The following GTF3C1 variants were observed in gnomAD, a reference collection of about 807,000 sequenced individuals.
GTF3C1 encodes general transcription factor 3C polypeptide 1.
In GTF3C1, 57 loss-of-function variants were observed where a neutral mutation model predicts 226.7. The observed-to-expected ratio is 0.25, with a 90% CI of 0.20 to 0.31. GTF3C1 has a LOEUF of 0.31. Ranked by LOEUF, GTF3C1 falls within the 10% of genes least tolerant of loss-of-function variation. The pLI, the probability that GTF3C1 is intolerant of heterozygous loss-of-function variation, is 1.00. For synonymous variants in GTF3C1, 1,090 were observed against 1,084.8 expected, an observed-to-expected ratio of 1.00 and a Z score of -0.09; for missense variants, 2,217 against 2,776.1, an observed-to-expected ratio of 0.80 and a Z score of 4.53.
Position 27,469,440 on chromosome 16 carries a change from T to C in GTF3C1, c.4925A>G (p.His1642Arg). 6.2e-7 allele frequency: 1 copy of C among 1,614,196 alleles called. No individual in the cohort carries two copies. Among genetic ancestry groups the C allele is most frequent in the Non-Finnish European group, 8.5e-7 (1 of 1,180,016 alleles). ...SMEVKPAQAS[H>R]TNYLLMRGYY... Reference sequence around the variant, plus strand: ...GCCCCTCATCAGCAGGTAGTTGGTGTGGGAGGCTTGCGCAGGTTTCACCTC... The same window carrying C: ...GCCCCTCATCAGCAGGTAGTTGGTGCGGGAGGCTTGCGCAGGTTTCACCTC... Residue 1642 changes from histidine to arginine, a missense_variant, in exon 32 of 37, where the codon CAC becomes CGC. His to Arg is a conservative substitution (Grantham distance 29). Transcript: ENST00000356183. This position sits in a 1 kb window ranked among gnomAD's most constrained non-coding sequence, Gnocchi z 4.5.
chr16:27,531,466 C>A (rs1212107044), intron 5 of GTF3C1, among the ~76,000 whole-genome samples: 1 of 152,210 alleles, frequency 6.6e-6, no homozygotes, highest in Non-Finnish European at 1.5e-5. Context: ...AAGAAAGCAC[C>A]CCTTTCCCTC....
At chr16:27,505,561 A>G (rs943671463) in intron 10 of GTF3C1, among the ~76,000 whole-genome samples, 4 of 152,244 alleles carry the variant, frequency 2.6e-5, no homozygotes, top group African/African-American at 7.2e-5. Flanking sequence ...GTGGCATCCA[A>G]TGAACAGAAA....
intron 6 of GTF3C1, 28 bp downstream of exon 6, chr16:27,528,570 G>C: frequency 6.3e-7 from 1 of 1,587,352 alleles, no homozygotes; most frequent in South Asian, 1.1e-5. Flanking sequence ...AGCCAGCCAA[G>C]GGAACAGAAG....
intron 12 of GTF3C1, among the ~76,000 whole-genome samples, chr16:27,498,995 C>T (rs1177205128): frequency 6.6e-6 from 1 of 152,142 alleles, no homozygotes; most frequent in African/African-American, 2.4e-5. Flanking sequence ...CTGGCCTGGA[C>T]ACAGAGCTGT....
intron 15 of GTF3C1, 39 bp from the exon 16 acceptor site, chr16:27,494,947 T>C: frequency 5.7e-6 from 9 of 1,591,294 alleles, no homozygotes; most frequent in Non-Finnish European, 6.9e-6. Flanking sequence ...GCAGCCAGGA[T>C]ACCAGTCACC....
intron 15 of GTF3C1, 131 bp downstream of exon 15, chr16:27,495,080 G>A (rs1020326276): frequency 5.1e-5 from 44 of 860,136 alleles, no homozygotes; most frequent in Non-Finnish European, 4.4e-5. Flanking sequence ...TTCAGGAAGT[G>A]TGGATTATGT....
chr16:27,490,417 G>A (rs749821394), intron 19 of GTF3C1, among the ~76,000 whole-genome samples: 1 of 152,166 alleles, frequency 6.6e-6, no homozygotes, highest in African/African-American at 2.4e-5. Context: ...TGGAGACCTC[G>A]GCTTGATGGC....
At chr16:27,505,404 T>G (rs2088468912) in intron 10 of GTF3C1, among the ~76,000 whole-genome samples, 1 of 152,196 alleles carries the variant, frequency 6.6e-6, no homozygotes, top group Admixed American at 6.5e-5. Flanking sequence ...CACTGTCCTG[T>G]GTATTGTAGG....
chr16:27,484,939 C>A (rs965616028), intron 24 of GTF3C1, among the ~76,000 whole-genome samples: 1 of 152,242 alleles, frequency 6.6e-6, no homozygotes, highest in Non-Finnish European at 1.5e-5. Context: ...TCCATCAACA[C>A]TGACCTATGC....
Position 27,484,249 on chromosome 16 carries a change from G to T in GTF3C1, c.3963C>A (p.Arg1321=). Residue 1321 remains arginine, a synonymous_variant, in exon 25 of 37, where the codon CGC becomes CGA. Coordinates refer to ENST00000356183, the MANE Select transcript of GTF3C1 (RefSeq NM_001520.4). ...KTSHSVGRRA[R]YIVKNPQAYL... is the part of the protein sequence containing the mutation. ...AGGCCTGTGGGTTTTTGACTATGTA[G>T]CGAGCTCTTCGTCCAACGGAATGAG... The T allele has an allele frequency of 1.2e-6, 2 of 1,608,936 alleles. No homozygotes were observed. The highest frequency in any genetic ancestry group is 1.7e-6 in the Non-Finnish European group (2 of 1,175,312).
At chr16:27,501,001 C>T (rs2088396648) in intron 12 of GTF3C1, among the ~76,000 whole-genome samples, 190 bp downstream of exon 12, 1 of 152,224 alleles carries the variant, frequency 6.6e-6, no homozygotes, top group Non-Finnish European at 1.5e-5. Context: ...ACATGCTTTA[C>T]AATCCTAGCA....
rs1161841644 is a variant in GTF3C1, at chr16:27,462,650, C to T, written c.5925-164G>A. 1.2e-5 allele frequency: 7 copies of T among 608,306 alleles called. No homozygotes were observed. The highest frequency in any genetic ancestry group is 2.0e-5 in the Non-Finnish European group (7 of 342,836). The allele number at this position is 608,306 out of a possible 1,614,324, so 37.7% of individuals were successfully genotyped here. On this transcript the variant is annotated intron_variant, in intron 35 of 36. Transcript: ENST00000356183. This position sits in a 1 kb window ranked among gnomAD's most constrained non-coding sequence, Gnocchi z 4.5. ...TCCAAACTCCCTGCTTCTCTCCTGTCTGGACAGAGGGGCCCTTGACCGCCA... is the reference window on the plus strand; with the variant it reads ...TCCAAACTCCCTGCTTCTCTCCTGTTTGGACAGAGGGGCCCTTGACCGCCA...
At position 27,470,575 on chromosome 16, in the gene GTF3C1, G is replaced by A; in HGVS notation, c.4527-180C>T. 1.7e-6 allele frequency: 1 copy of A among 601,818 alleles called. No homozygotes were observed. The highest frequency in any genetic ancestry group is 2.9e-6 in the Non-Finnish European group (1 of 339,986). 37.3% of individuals were successfully genotyped at this position (601,818 alleles called of 1,614,324 possible). On this transcript the variant is annotated intron_variant, in intron 30 of 36. Transcript: ENST00000356183. The surrounding 1 kb of genome is among the most constrained non-coding windows in gnomAD (Gnocchi z 4.9). ...GCTGCATTCCCACCTAGCGGTGTTT[G>A]TGTCTCTCTTCCCCGCTTGCCTGAG...
chr16:27,482,661 G>C, intron 26 of GTF3C1: 3 of 459,132 alleles, frequency 6.5e-6, no homozygotes, highest in East Asian at 1.4e-4. Flanking sequence ...TGGGTCAGCA[G>C]ACAGCTTCCC....
intron 24 of GTF3C1, among the ~76,000 whole-genome samples, chr16:27,485,330 T>A (rs1392762937): frequency 5.9e-5 from 9 of 152,186 alleles, no homozygotes; most frequent in Non-Finnish European, 1.3e-4. Context: ...CTGGCAGAGC[T>A]TTTTCCTGGA....
chr16:27,518,766 A>G (rs928682902), intron 6 of GTF3C1, among the ~76,000 whole-genome samples: 2 of 152,226 alleles, frequency 1.3e-5, no homozygotes, highest in Non-Finnish European at 2.9e-5. Flanking sequence ...CAGGCTTCAC[A>G]TGCCTGGGTT....
At chr16:27,472,802 TCTC>T (rs1450016880) in intron 29 of GTF3C1, among the ~76,000 whole-genome samples, 11 of 152,314 alleles carry the variant, frequency 7.2e-5, no homozygotes, top group South Asian at 6.2e-4. Flanking sequence ...CCCTCTCCAT[TCTC>T]CTCCTCTGAG....
At chr16:27,547,230 T>C (rs2089178397) in intron 1 of GTF3C1, among the ~76,000 whole-genome samples, 1 of 152,092 alleles carries the variant, frequency 6.6e-6, no homozygotes, top group South Asian at 2.1e-4. Flanking sequence ...CACTACACTC[T>C]CTCTTAGGGC....
intron 10 of GTF3C1, 21 bp downstream of exon 10, chr16:27,505,878 C>G: frequency 7.4e-7 from 1 of 1,352,276 alleles, no homozygotes; most frequent in Non-Finnish European, 1.1e-6. Flanking sequence ...GAGACAGCTC[C>G]CTCCCTCTGC....
Sources: gnomAD v4.1 joint callset for allele counts (sites outside exome capture counted in the v4.1 genomes callset) on GRCh38, gnomAD v4.1.1 for gene constraint, Gnocchi (gnomAD v3.1) non-coding constraint, MANE v1.5 for transcripts, NCBI Gene and HGNC (gene_info 2026-07-23, HGNC 2026-07-21) for gene names.